ANK2: variants seen among roughly 807,000 people sequenced by gnomAD.
ANK2 encodes the protein ankyrin-2.
A neutral mutation model predicts 360.5 loss-of-function variants in ANK2; 83 were observed. The ratio of observed to expected loss-of-function variants is 0.23; its 90% CI spans 0.19 to 0.28. The LOEUF (loss-of-function observed/expected upper bound fraction) is 0.28. Ranked by LOEUF, ANK2 falls within the 10% of genes least tolerant of loss-of-function variation. The probability of loss-of-function intolerance (pLI) is 1.00; values close to 1 mark genes in which losing one functional copy is unlikely to be tolerated. For synonymous variants in ANK2, 1,740 were observed against 1,759.5 expected, an observed-to-expected ratio of 0.99 and a Z score of 0.28; for missense variants, 4,201 against 4,795.7, an observed-to-expected ratio of 0.88 and a Z score of 3.66.
the ANK2 span, among the ~76,000 whole-genome samples, chr4:112,749,644 T>A: frequency 6.6e-6 from 1 of 152,176 alleles, no homozygotes; most frequent in African/African-American, 2.4e-5. Flanking sequence ...CCATGATGTT[T>A]GTGGAAAGTG....
chr4:113,202,737 AG>A (rs1477821138), intron 4 of ANK2, among the ~76,000 whole-genome samples: 4 of 152,240 alleles, frequency 2.6e-5, no homozygotes, highest in Admixed American at 1.3e-4. Flanking sequence ...TTGCATATAA[AG>A]TATGAGATTC....
intron 9 of ANK2, among the ~76,000 whole-genome samples, chr4:113,246,855 T>C (rs1177299252): frequency 6.6e-6 from 1 of 152,216 alleles, no homozygotes; most frequent in East Asian, 1.9e-4. Flanking sequence ...GTGTATTATT[T>C]TCTTGTTGAG....
chr4:112,811,954 A>G, the ANK2 span, among the ~76,000 whole-genome samples: 1 of 151,056 alleles, frequency 6.6e-6, no homozygotes, highest in East Asian at 2.0e-4. Context: ...GGGCGCCTGT[A>G]GTCCCAGCTA....
intron 1 of ANK2, among the ~76,000 whole-genome samples, chr4:113,056,019 G>A (rs1305283675): frequency 1.3e-5 from 2 of 152,100 alleles, no homozygotes; most frequent in Non-Finnish European, 2.9e-5. Context: ...CTCCCAAGCA[G>A]CATTCCCAAA....
intron 20 of ANK2, 132 bp downstream of exon 20, chr4:113,288,618 G>C: frequency 2.6e-6 from 2 of 768,626 alleles, no homozygotes; most frequent in Non-Finnish European, 4.3e-6. Context: ...TTGACGAGGT[G>C]ATGTAGTTTT....
At chr4:112,895,068 T>C (rs2081331590) in intron 1 of ANK2, among the ~76,000 whole-genome samples, 1 of 152,202 alleles carries the variant, frequency 6.6e-6, no homozygotes, top group Non-Finnish European at 1.5e-5. Context: ...TGGAGATGCT[T>C]AGAGATGAAG....
chr4:113,239,365 G>C (rs1418791528), intron 7 of ANK2, among the ~76,000 whole-genome samples: 1 of 151,910 alleles, frequency 6.6e-6, no homozygotes, highest in Non-Finnish European at 1.5e-5. Context: ...AAAGCCTATA[G>C]ATCAACTCAA....
At chr4:113,298,488 C>A (rs762386093) in intron 22 of ANK2, among the ~76,000 whole-genome samples, 43 of 152,154 alleles carry the variant, frequency 2.8e-4, no homozygotes, top group Non-Finnish European at 5.9e-4. Context: ...ATCAGTTAAA[C>A]ACACAGTTTC....
At chr4:113,093,681 A>G (rs1263790545) in intron 1 of ANK2, among the ~76,000 whole-genome samples, 1 of 152,214 alleles carries the variant, frequency 6.6e-6, no homozygotes, top group African/African-American at 2.4e-5. Flanking sequence ...AATAATGCCA[A>G]CACATTTATT....
chr4:112,891,518 C>G (rs1460369603), intron 1 of ANK2, among the ~76,000 whole-genome samples: 2 of 151,916 alleles, frequency 1.3e-5, no homozygotes, highest in Non-Finnish European at 2.9e-5. Context: ...CTATAAATGC[C>G]CTCATTATTT....
At position 113,306,184 on chromosome 4, in the gene ANK2, T is replaced by G. The variant is rs962483126; in HGVS notation, c.2548+3345T>G. On this transcript the variant is annotated intron_variant, in intron 23 of 45. Transcript: ENST00000357077. Reference sequence around the variant, plus strand: ...AATAATGTATATATTAAAAGAAGTATAATGTAAGGCACTATGTTGTCAGTT... The same window carrying G: ...AATAATGTATATATTAAAAGAAGTAGAATGTAAGGCACTATGTTGTCAGTT... 7.2e-5 allele frequency among the ~76,000 whole-genome samples: 11 copies of G among 152,170 alleles called. No individual in the cohort carries two copies. The East Asian group carries it at 1.9e-3, about 27-fold the overall frequency.
chr4:112,742,830 T>G, the ANK2 span, among the ~76,000 whole-genome samples: 1 of 151,870 alleles, frequency 6.6e-6, no homozygotes, highest in Non-Finnish European at 1.5e-5. Context: ...GTTCAAGCAA[T>G]TCTCCTGCCT....
At chr4:112,823,822 CTA>C (rs904550201) in intron 1 of ANK2, among the ~76,000 whole-genome samples, 1 of 152,202 alleles carries the variant, frequency 6.6e-6, no homozygotes, top group African/African-American at 2.4e-5. Context: ...CCAAAGTACA[CTA>C]AAGTTATGGA....
the ANK2 span, among the ~76,000 whole-genome samples, chr4:112,737,959 G>C: frequency 6.6e-6 from 1 of 152,046 alleles, no homozygotes; most frequent in Non-Finnish European, 1.5e-5. Context: ...TGGTTCATCG[G>C]GGTACATCGA....
Position 112,993,095 on chromosome 4 carries a change from C to T in ANK2, c.21+88581C>T, listed in dbSNP as rs569043019. On this transcript the variant is annotated intron_variant, in intron 2 of 30. Coordinates refer to the ANK2 transcript ENST00000503271. ...CCCATGAATTCGAGACCAGCCTGGGCAACATAAGGAGACCTTGTCTCTACA... is the reference window on the plus strand; with the variant it reads ...CCCATGAATTCGAGACCAGCCTGGGTAACATAAGGAGACCTTGTCTCTACA... 4.0e-5 allele frequency among the ~76,000 whole-genome samples: 6 copies of T among 151,678 alleles called. No homozygotes were observed. The South Asian group carries it at 8.4e-4, about 21-fold the overall frequency.
intron 2 of ANK2, among the ~76,000 whole-genome samples, chr4:112,956,737 G>A (rs1430927909): frequency 4.6e-5 from 7 of 152,206 alleles, no homozygotes; most frequent in South Asian, 2.1e-4. Context: ...GTGAAACTTC[G>A]GATAAGGGAG....
At chr4:113,096,928 A>G (rs11729382) in intron 1 of ANK2, among the ~76,000 whole-genome samples, 46,825 of 150,908 alleles carry the variant, frequency 0.31, 7,814 homozygotes, top group Non-Finnish European at 0.39. Flanking sequence ...ACTCCATTAT[A>G]CTTTGCTTCA....
rs757771113 is a variant in ANK2 at position 113,360,825 on chromosome 4, C to A, written c.10684C>A (p.Pro3562Thr). ...DENGHDHAEDPQDEQERIEER... is the reference protein window; with the variant it reads ...DENGHDHAEDTQDEQERIEER... The stretch of plus-strand genomic sequence containing the variant: ...ATTCTGTTTTTGACCTTCTCCAGAT[C>A]CACAGGATGAGCAGGAACGGATCGA... The change falls in exon 39 of 46, where the codon CCA (proline) becomes ACA (threonine). Residue 3562 changes from proline to threonine, a missense_variant and splice_region_variant. Pro to Thr is a conservative substitution (Grantham distance 38). Transcript: ENST00000357077. 2 of 1,612,278 alleles carry A rather than the reference C, an allele frequency of 1.2e-6. No homozygotes were observed. Among genetic ancestry groups the A allele is most frequent in the East Asian group, 4.5e-5 (2 of 44,770 alleles).
At chr4:113,320,281 T>A (rs1231304342) in intron 26 of ANK2, among the ~76,000 whole-genome samples, 1 of 152,204 alleles carries the variant, frequency 6.6e-6, no homozygotes, top group Non-Finnish European at 1.5e-5. Flanking sequence ...AGTTTTCCTA[T>A]GAATCTCAAG....
Sources: gnomAD v4.1 joint callset for allele counts (sites outside exome capture counted in the v4.1 genomes callset) on GRCh38, gnomAD v4.1.1 for gene constraint, MANE v1.5 for transcripts, NCBI Gene and HGNC (gene_info 2026-07-23, HGNC 2026-07-21) for gene names.